Variants in WFDC8 observed in about 807,000 individuals in gnomAD.
WFDC8 encodes WAP four-disulfide core domain 8, also known as WAP four-disulfide core domain protein 8.
A neutral mutation model predicts 27.0 loss-of-function variants in WFDC8; 24 were observed. The observed-to-expected ratio is 0.89, with a 90% CI of 0.64 to 1.25. WFDC8 has a LOEUF of 1.25. Among genes scored for constraint, WFDC8 ranks in the 50% most tolerant of loss-of-function variants. WFDC8 has a pLI of 0.00. For missense variants in WFDC8, 287 were observed against 295.9 expected, an observed-to-expected ratio of 0.97 and a Z score of 0.22; for synonymous variants, 106 against 99.7, an observed-to-expected ratio of 1.06 and a Z score of -0.38.
intron 1 of WFDC8, 113 bp from the exon 2 acceptor site, chr20:45,562,332 A>C (rs1029078196): frequency 2.5e-6 from 2 of 791,078 alleles, no homozygotes; most frequent in African/African-American, 1.7e-5. Context: ...CACAGGTAAG[A>C]AGACTGACAC....
intron 1 of WFDC8, among the ~76,000 whole-genome samples, chr20:45,572,899 G>A (rs1185976926): frequency 1.3e-5 from 2 of 152,208 alleles, no homozygotes; most frequent in African/African-American, 2.4e-5. Context: ...GAGCCACCGC[G>A]CCCAGCCTTT....
rs1440191466 is a variant in WFDC8 at position 45,555,930 on chromosome 20, T to C, written c.278-62A>G. 3.3e-6 allele frequency: 5 copies of C among 1,526,938 alleles called. 1 individual carries two copies. Among genetic ancestry groups the C allele is most frequent in the Non-Finnish European group, 2.7e-6 (3 of 1,113,194 alleles). 94.6% of individuals were successfully genotyped at this position (1,526,938 alleles called of 1,614,324 possible). ...GTAGAGATAAAAGAACAGGGTCAGT[T>C]CCCTAGCATTTCTCATAACTCCTGG... On this transcript the variant is annotated intron_variant, in intron 3 of 5. Transcript: ENST00000289953.
At chr20:45,577,040 A>C (rs1981068891) in intron 1 of WFDC8, among the ~76,000 whole-genome samples, 1 of 151,398 alleles carries the variant, frequency 6.6e-6, no homozygotes. Flanking sequence ...TTTTGTGGTC[A>C]TTCAGGGATA....
intron 1 of WFDC8, among the ~76,000 whole-genome samples, chr20:45,574,388 G>A (rs1980972649): frequency 1.3e-5 from 2 of 151,414 alleles, no homozygotes; most frequent in South Asian, 4.2e-4. Context: ...CCAAAGCCAT[G>A]CAAAGACACT....
At chr20:45,555,992 G>A (rs1980233056) in intron 3 of WFDC8, 124 bp from the exon 4 acceptor site, 7 of 1,004,170 alleles carry the variant, frequency 7.0e-6, no homozygotes, top group African/African-American at 3.3e-5. Context: ...CCATGGCAGG[G>A]GAAAAAAAAA....
In WFDC8 at chr20:45,552,110, G is replaced by T. The variant is rs761262469; in HGVS notation, c.642C>A (p.Pro214=). The part of the protein sequence containing the change: ...KPLLCTKIDK[P]KCLQDEECPL... ...GGCACTCCTCATCCTGCAGGCACTT[G>T]GGTTTATCAATCTTGGTACATAGCA... Residue 214 remains proline, a synonymous_variant, in exon 6 of 6, where the codon CCC becomes CCA. Coordinates refer to ENST00000289953, the MANE Select transcript of WFDC8 (RefSeq NM_130896.3). The T allele has an allele frequency of 1.9e-6, 3 of 1,614,060 alleles. 1 individual carries two copies. In the South Asian group the frequency reaches 3.3e-5, roughly 18 times the overall value.
chr20:45,575,926 T>A (rs910523981), intron 1 of WFDC8, among the ~76,000 whole-genome samples: 2 of 151,264 alleles, frequency 1.3e-5, no homozygotes, highest in African/African-American at 4.8e-5. Flanking sequence ...GCCTCTAGCC[T>A]CAGTTACTAG....
intron 1 of WFDC8, among the ~76,000 whole-genome samples, chr20:45,574,959 A>G (rs1042968147): frequency 1.3e-5 from 2 of 152,312 alleles, no homozygotes; most frequent in Middle Eastern, 3.4e-3. Context: ...CGGAAAATGC[A>G]TTTGACAAAA....
Position 45,553,255 on chromosome 20 carries a change from A to C in WFDC8, c.467T>G (p.Leu156Arg). ...MLIVKDGQCPLFPFTERKECP... is the reference protein window; with the variant it reads ...MLIVKDGQCPRFPFTERKECP... ...CTCCTTACGTTCAGTGAAAGGGAAG[A>C]GTGGGCATTGTCCATCCTTAACTAA... Residue 156 changes from leucine (L) to arginine (R), a missense_variant, in exon 5 of 6, where the codon CTC becomes CGC. Physicochemically the swap from Leu to Arg is moderately radical, Grantham distance 102 (BLOSUM62 -2). Transcript: ENST00000289953. 1 of 1,613,746 alleles carries C rather than the reference A, an allele frequency of 6.2e-7. No homozygotes were observed. Among genetic ancestry groups the C allele is most frequent in the Non-Finnish European group, 8.5e-7 (1 of 1,179,722 alleles).
At chr20:45,562,338 G>T in intron 1 of WFDC8, 119 bp from the exon 2 acceptor site, 1 of 759,684 alleles carries the variant, frequency 1.3e-6, no homozygotes, top group South Asian at 1.7e-5. Flanking sequence ...TAAGAAGACT[G>T]ACACCAGCAT....
At chr20:45,575,509 G>A (rs1981011464) in intron 1 of WFDC8, among the ~76,000 whole-genome samples, 1 of 151,446 alleles carries the variant, frequency 6.6e-6, no homozygotes. Context: ...AAAGAAATTG[G>A]AGAAGACATA....
chr20:45,571,017 G>A (rs1980848242), intron 1 of WFDC8, among the ~76,000 whole-genome samples: 1 of 152,040 alleles, frequency 6.6e-6, no homozygotes, highest in Admixed American at 6.5e-5. Context: ...AATCCAGTTG[G>A]TTCCTTGGTT....
At chr20:45,574,721 C>T (rs554740486) in intron 1 of WFDC8, among the ~76,000 whole-genome samples, 3 of 152,294 alleles carry the variant, frequency 2.0e-5, no homozygotes, top group South Asian at 2.1e-4. Context: ...TTACTTGAAC[C>T]TGGGTGGCAG....
intron 1 of WFDC8, among the ~76,000 whole-genome samples, chr20:45,569,835 CA>C (rs1195363831): frequency 6.6e-6 from 1 of 152,150 alleles, no homozygotes; most frequent in Non-Finnish European, 1.5e-5. Flanking sequence ...TACATACACA[CA>C]ATGGAATACT....
Position 45,551,827 on chromosome 20 carries a change from A to G in WFDC8, c.*199T>C. Reference sequence around the variant, plus strand: ...TCTACACAATACAAGAAGACAAGAAAATAAAGTCATGAAGTTGAAAAAAAG... The same window carrying G: ...TCTACACAATACAAGAAGACAAGAAGATAAAGTCATGAAGTTGAAAAAAAG... On this transcript the variant is annotated 3_prime_UTR_variant, in exon 6 of 6. Transcript: ENST00000289953. 3.5e-6 allele frequency: 2 copies of G among 572,764 alleles called. No individual in the cohort carries two copies. The highest frequency in any genetic ancestry group is 5.9e-6 in the Non-Finnish European group (2 of 336,722). The allele number at this position is 572,764 out of a possible 1,614,324, so 35.5% of individuals were successfully genotyped here.
At chr20:45,560,060 T>A (rs1368051262) in intron 2 of WFDC8, among the ~76,000 whole-genome samples, 1 of 152,220 alleles carries the variant, frequency 6.6e-6, no homozygotes, top group Non-Finnish European at 1.5e-5. Context: ...GATTAGAGAT[T>A]ATCTCTAATT....
chr20:45,564,690 A>C (rs577164100), intron 1 of WFDC8, among the ~76,000 whole-genome samples: 2 of 147,944 alleles, frequency 1.4e-5, no homozygotes, highest in Non-Finnish European at 3.0e-5. Context: ...AAAAAAAAAA[A>C]ACTTAGCCCA....
intron 5 of WFDC8, among the ~76,000 whole-genome samples, chr20:45,552,677 C>T (rs1980082013): frequency 6.6e-6 from 1 of 152,106 alleles, no homozygotes; most frequent in African/African-American, 2.4e-5. Flanking sequence ...TAAACACCTG[C>T]CTTAGAGGAG....
chr20:45,562,369 G>A lies in WFDC8; in HGVS notation c.27-150C>T, dbSNP rs1459911125. 9.1e-6 allele frequency: 6 copies of A among 660,362 alleles called. No homozygotes were observed. The East Asian group carries it at 1.4e-4, about 15-fold the overall frequency. 40.9% of individuals were successfully genotyped at this position (660,362 alleles called of 1,614,324 possible). ...AGCATGGGGAAGGAGTCTGTCTGAG[G>A]TCAGATGGTGAGTTAAGGTGTGTCT... On this transcript the variant is annotated intron_variant, in intron 1 of 5. Coordinates refer to ENST00000289953, the MANE Select transcript of WFDC8 (RefSeq NM_130896.3).
Sources: gnomAD v4.1 joint callset for allele counts (sites outside exome capture counted in the v4.1 genomes callset) on GRCh38, gnomAD v4.1.1 for gene constraint, MANE v1.5 for transcripts, NCBI Gene and HGNC (gene_info 2026-07-23, HGNC 2026-07-21) for gene names.